PPARGC1A: variants seen among roughly 807,000 people sequenced by gnomAD.
PPARGC1A encodes the protein PPARG coactivator 1 alpha, also known as peroxisome proliferator-activated receptor gamma coactivator 1-alpha.
In PPARGC1A, 25 loss-of-function variants were observed where a neutral mutation model predicts 88.7. That is an observed-to-expected ratio of 0.28 (90% confidence interval 0.21 to 0.39). PPARGC1A has a LOEUF of 0.39. PPARGC1A is among the 10% of genes least tolerant of loss of function. The pLI, the probability that PPARGC1A is intolerant of heterozygous loss-of-function variation, is 1.00. For missense variants in PPARGC1A, 880 were observed against 968.7 expected, an observed-to-expected ratio of 0.91 and a Z score of 1.22; for synonymous variants, 363 against 355.6, an observed-to-expected ratio of 1.02 and a Z score of -0.24.
the PPARGC1A span, among the ~76,000 whole-genome samples, chr4:24,145,114 C>A: frequency 7.7e-6 from 1 of 129,802 alleles, no homozygotes; most frequent in Admixed American, 8.9e-5. Context: ...TGTGTGTGTA[C>A]ATACATATGC....
the PPARGC1A span, among the ~76,000 whole-genome samples, chr4:24,470,931 AGGC>A: frequency 2.6e-5 from 4 of 151,514 alleles, no homozygotes; most frequent in Non-Finnish European, 5.9e-5. This position sits in a 1 kb window ranked among gnomAD's most constrained non-coding sequence, Gnocchi z 5.8. Context: ...GGTGATGCGG[AGGC>A]GGCGGCGGCG....
the PPARGC1A span, among the ~76,000 whole-genome samples, chr4:23,966,649 C>T: frequency 1.3e-5 from 2 of 152,178 alleles, no homozygotes; most frequent in Non-Finnish European, 2.9e-5. Context: ...AAATGGGTAT[C>T]AGCAGCTCAG....
chr4:23,929,227 C>CCTTT, the PPARGC1A span, among the ~76,000 whole-genome samples: 1 of 152,152 alleles, frequency 6.6e-6, no homozygotes, highest in Non-Finnish European at 1.5e-5. Context: ...CAGGGAGGTA[C>CCTTT]ATAGAACACC....
chr4:24,376,595 T>A, the PPARGC1A span, among the ~76,000 whole-genome samples: 1 of 152,228 alleles, frequency 6.6e-6, no homozygotes, highest in Non-Finnish European at 1.5e-5. Flanking sequence ...AGCTCACTGA[T>A]CTTTCCGTTG....
the PPARGC1A span, among the ~76,000 whole-genome samples, chr4:24,435,845 C>T: frequency 6.6e-6 from 1 of 152,212 alleles, no homozygotes; most frequent in Non-Finnish European, 1.5e-5. Context: ...AAGATTTGAA[C>T]TTGAGACCAA....
upstream of PPARGC1A, among the ~76,000 whole-genome samples, chr4:23,892,585 A>G (rs1196213710): frequency 6.7e-6 from 1 of 148,958 alleles, no homozygotes; most frequent in African/African-American, 2.5e-5. Context: ...TAAATGGTTC[A>G]TTGCTCACCA....
At chr4:24,370,655 C>T in the PPARGC1A span, among the ~76,000 whole-genome samples, 1 of 151,314 alleles carries the variant, frequency 6.6e-6, no homozygotes, top group African/African-American at 2.4e-5. Flanking sequence ...ATGCTCCAGA[C>T]TCCTAAACAG....
chr4:24,281,759 C>G, the PPARGC1A span, among the ~76,000 whole-genome samples: 1 of 152,090 alleles, frequency 6.6e-6, no homozygotes, highest in Admixed American at 6.6e-5. Flanking sequence ...TCCCCCCCAC[C>G]CCCAATCTTT....
chr4:23,912,363 G>T, the PPARGC1A span, among the ~76,000 whole-genome samples: 1 of 152,074 alleles, frequency 6.6e-6, no homozygotes, highest in East Asian at 1.9e-4. Context: ...GAATCACCAT[G>T]CCTATATCTT....
chr4:24,137,008 G>A, the PPARGC1A span, among the ~76,000 whole-genome samples: 1 of 151,862 alleles, frequency 6.6e-6, no homozygotes, highest in Admixed American at 6.6e-5. Context: ...CAGCTACTCA[G>A]GAGGCTAAGG....
chr4:24,058,367 T>C, the PPARGC1A span, among the ~76,000 whole-genome samples: 2 of 152,218 alleles, frequency 1.3e-5, no homozygotes, highest in Admixed American at 1.3e-4. Flanking sequence ...GAACTCAATT[T>C]TATTGAGAAA....
At chr4:24,369,144 A>C in the PPARGC1A span, among the ~76,000 whole-genome samples, 1 of 152,194 alleles carries the variant, frequency 6.6e-6, no homozygotes, top group Non-Finnish European at 1.5e-5. Context: ...GAGAAAAAAG[A>C]CTGGAAGAGC....
At chr4:24,193,872 T>C in the PPARGC1A span, among the ~76,000 whole-genome samples, 45 of 152,244 alleles carry the variant, frequency 3.0e-4, no homozygotes, top group Admixed American at 2.2e-3. Context: ...CTCATGCCTG[T>C]AATCCCAGCA....
the PPARGC1A span, among the ~76,000 whole-genome samples, chr4:24,279,165 ACT>A: frequency 6.6e-6 from 1 of 152,028 alleles, no homozygotes; most frequent in East Asian, 1.9e-4. Flanking sequence ...AACACATTCC[ACT>A]CTGTTCCAAC....
the PPARGC1A span, among the ~76,000 whole-genome samples, chr4:24,309,744 G>T: frequency 6.6e-6 from 1 of 152,124 alleles, no homozygotes; most frequent in African/African-American, 2.4e-5. Context: ...ACCACGCCCA[G>T]CTACATAATC....
chr4:24,470,324 A>ACACACACTCT, the PPARGC1A span, among the ~76,000 whole-genome samples: 1 of 107,780 alleles, frequency 9.3e-6, no homozygotes, highest in African/African-American at 3.4e-5. This position sits in a 1 kb window ranked among gnomAD's most constrained non-coding sequence, Gnocchi z 5.8. Flanking sequence ...ACACACACAC[A>ACACACACTCT]CTCTCTCACA....
chr4:24,245,497 G>A, the PPARGC1A span, among the ~76,000 whole-genome samples: 1 of 152,198 alleles, frequency 6.6e-6, no homozygotes, highest in African/African-American at 2.4e-5. Context: ...TTTTGATTAA[G>A]CTGCTGTGAG....
chr4:24,074,787 G>A, the PPARGC1A span, among the ~76,000 whole-genome samples: 4 of 152,154 alleles, frequency 2.6e-5, no homozygotes, highest in African/African-American at 7.2e-5. Context: ...ATCTACCTGA[G>A]CAAGTGTTCC....
At chr4:24,294,939 C>T in the PPARGC1A span, among the ~76,000 whole-genome samples, 1 of 152,170 alleles carries the variant, frequency 6.6e-6, no homozygotes, top group African/African-American at 2.4e-5. Flanking sequence ...CTCTCCATGG[C>T]CCTCTGTGGC....
Sources: gnomAD v4.1 joint callset for allele counts (sites outside exome capture counted in the v4.1 genomes callset) on GRCh38, gnomAD v4.1.1 for gene constraint, Gnocchi (gnomAD v3.1) non-coding constraint, MANE v1.5 for transcripts, NCBI Gene and HGNC (gene_info 2026-07-23, HGNC 2026-07-21) for gene names.